The following COL19A1 variants were observed in gnomAD, a reference collection of about 807,000 sequenced individuals.
COL19A1 encodes collagen alpha-1(XIX) chain.
Under a neutral mutation model 190.2 loss-of-function variants are expected in COL19A1, and 159 were observed. That is an observed-to-expected ratio of 0.84 (90% CI 0.73 to 0.95). COL19A1 has a LOEUF of 0.95. Ranked by LOEUF, COL19A1 falls within the 40% of genes least tolerant of loss-of-function variation. The pLI is 0.00. For missense variants in COL19A1, 1,418 were observed against 1,431.9 expected, an observed-to-expected ratio of 0.99 and a Z score of 0.16; for synonymous variants, 509 against 458.9, an observed-to-expected ratio of 1.11 and a Z score of -1.39.
chr6:70,143,591 C>A (rs1786404238), intron 23 of COL19A1, among the ~76,000 whole-genome samples: 1 of 152,112 alleles, frequency 6.6e-6, no homozygotes, highest in East Asian at 1.9e-4. Flanking sequence ...TTCTATTCTC[C>A]ATGCTCACCG....
At chr6:69,872,746 G>A (rs1375494448) in intron 1 of COL19A1, among the ~76,000 whole-genome samples, 1 of 152,140 alleles carries the variant, frequency 6.6e-6, no homozygotes, top group African/African-American at 2.4e-5. Flanking sequence ...TTACAGGGAC[G>A]GCTGTCTGAA....
In COL19A1 at chr6:70,210,731, G is replaced by A. The variant is rs1768139807; in HGVS notation, c.*3457G>A. ...ACTGAGCAAACTAACAGAAATACAA[G>A]GCTACGAACAGTTTAGTGGACAACT... is the stretch of plus-strand genomic sequence containing the variant. On this transcript the variant is annotated 3_prime_UTR_variant, in exon 51 of 51. Transcript: ENST00000620364. Among the ~76,000 whole-genome samples the A allele has an allele frequency of 6.6e-6, 1 of 152,056 alleles. No homozygotes were observed. Among genetic ancestry groups the A allele is most frequent in the African/African-American group, 2.4e-5 (1 of 41,424 alleles).
At position 69,983,669 on chromosome 6, in the gene COL19A1, C is replaced by A. The variant is rs1356846546; in HGVS notation, c.1026+20799C>A. On this transcript the variant is annotated intron_variant, in intron 11 of 50. Transcript: ENST00000620364. The stretch of plus-strand genomic sequence containing the variant: ...TGCTGAATTTTCTTTGAATACTATT[C>A]AAATATTGAACTTAAAAATGCTTTT... Among the ~76,000 whole-genome samples, 11 of 151,944 alleles carry A rather than the reference C, an allele frequency of 7.2e-5. 1 individual carries two copies. Among genetic ancestry groups the A allele is most frequent in the Admixed American group, 7.2e-4 (11 of 15,258 alleles).
chr6:70,145,227 T>C (rs1399438893), intron 25 of COL19A1, among the ~76,000 whole-genome samples: 2 of 152,166 alleles, frequency 1.3e-5, no homozygotes, highest in African/African-American at 4.8e-5. Context: ...GATGTATTCG[T>C]ATGTTCATTG....
intron 15 of COL19A1, among the ~76,000 whole-genome samples, chr6:70,095,414 T>C (rs922076730): frequency 5.3e-5 from 8 of 152,184 alleles, no homozygotes; most frequent in African/African-American, 1.9e-4. Flanking sequence ...CATTTTTATA[T>C]AAAAATGGAG....
intron 14 of COL19A1, among the ~76,000 whole-genome samples, chr6:70,057,979 G>A (rs1386283361): frequency 2.0e-5 from 3 of 151,996 alleles, no homozygotes; most frequent in Non-Finnish European, 4.4e-5. Context: ...CTTAAAAAAT[G>A]GAAAGTCTCA....
At chr6:70,042,964 A>G (rs1279514116) in intron 14 of COL19A1, among the ~76,000 whole-genome samples, 1 of 152,106 alleles carries the variant, frequency 6.6e-6, no homozygotes, top group Non-Finnish European at 1.5e-5. Flanking sequence ...TATTTCTACC[A>G]CATCTGCAGT....
intron 15 of COL19A1, among the ~76,000 whole-genome samples, chr6:70,101,939 C>T (rs975418833): frequency 1.3e-5 from 2 of 152,102 alleles, no homozygotes; most frequent in Admixed American, 6.6e-5. Context: ...ATTTAAAGGG[C>T]TGCTGATAAA....
intron 12 of COL19A1, among the ~76,000 whole-genome samples, chr6:70,032,289 C>T (rs970508247): frequency 3.3e-5 from 5 of 152,146 alleles, no homozygotes; most frequent in African/African-American, 1.2e-4. Context: ...AAGATTCTTG[C>T]TATAACTGAG....
chr6:70,061,191 C>T (rs1459022913), intron 14 of COL19A1, among the ~76,000 whole-genome samples: 1 of 152,110 alleles, frequency 6.6e-6, no homozygotes, highest in South Asian at 2.1e-4. Context: ...TATTTTTCTA[C>T]AGTTGATTGA....
rs398110250 is a variant in COL19A1 at position 70,115,795 on chromosome 6, TG to T, written c.1279-6084del. ...TAGTTCAAGAGTTTCTAGCAGTTGT[TG>T]TTTTTTTTGTTTTGTTTTTTGGTGT... On this transcript the variant is annotated intron_variant, in intron 16 of 50. Transcript: ENST00000620364. Among the ~76,000 whole-genome samples, 291 of 117,016 alleles carry T rather than the reference TG, an allele frequency of 2.5e-3. 3 individuals are homozygous for T. The highest frequency in any genetic ancestry group is 6.4e-3 in the African/African-American group (229 of 35,958). 76.8% of individuals were successfully genotyped at this position (117,016 alleles called of 152,430 possible).
At chr6:70,104,500 G>C (rs1208907883) in intron 16 of COL19A1, among the ~76,000 whole-genome samples, 1 of 152,092 alleles carries the variant, frequency 6.6e-6, no homozygotes, top group Non-Finnish European at 1.5e-5. Context: ...CCACCCTCTT[G>C]ACCCAATCAC....
At chr6:69,971,786 C>G (rs1775442500) in intron 11 of COL19A1, among the ~76,000 whole-genome samples, 2 of 152,092 alleles carry the variant, frequency 1.3e-5, no homozygotes, top group South Asian at 4.2e-4. Context: ...TAGTTTAAAT[C>G]TGTCTATTTC....
At chr6:69,998,759 G>A (rs941274132) in intron 11 of COL19A1, among the ~76,000 whole-genome samples, 1 of 151,536 alleles carries the variant, frequency 6.6e-6, no homozygotes, top group Non-Finnish European at 1.5e-5. Context: ...AAATATTCAA[G>A]CATATACAGA....
intron 17 of COL19A1, 140 bp downstream of exon 17, chr6:70,122,082 G>A: frequency 1.9e-6 from 1 of 524,978 alleles, no homozygotes; most frequent in South Asian, 3.5e-5. Flanking sequence ...CATACTGAAA[G>A]CTATGTTTTC....
At chr6:69,959,872 G>T in intron 9 of COL19A1, 124 bp from the exon 10 acceptor site, 2 of 711,044 alleles carry the variant, frequency 2.8e-6, no homozygotes, top group Non-Finnish European at 4.5e-6. Flanking sequence ...CCCTATGCAT[G>T]ATAGATATTC....
chr6:70,068,598 C>G, intron 15 of COL19A1, 122 bp downstream of exon 15: 1 of 578,688 alleles, frequency 1.7e-6, no homozygotes, highest in Non-Finnish European at 3.1e-6. Flanking sequence ...ATCAATTATC[C>G]AAAGGCTGAA....
At chr6:70,115,516 T>C (rs1784510909) in intron 16 of COL19A1, among the ~76,000 whole-genome samples, 1 of 152,182 alleles carries the variant, frequency 6.6e-6, no homozygotes. Flanking sequence ...GCATTTGATC[T>C]GGCAGTAAAA....
intron 14 of COL19A1, among the ~76,000 whole-genome samples, chr6:70,039,567 C>T (rs1036114262): frequency 2.0e-5 from 3 of 152,192 alleles, no homozygotes; most frequent in African/African-American, 7.2e-5. Flanking sequence ...GCACACACAG[C>T]TGAACTGCCC....
Sources: gnomAD v4.1 joint callset for allele counts (sites outside exome capture counted in the v4.1 genomes callset) on GRCh38, gnomAD v4.1.1 for gene constraint, MANE v1.5 for transcripts, NCBI Gene and HGNC (gene_info 2026-07-23, HGNC 2026-07-21) for gene names.